ONECUT1: variants seen among roughly 807,000 people sequenced by gnomAD.
ONECUT1 encodes one cut homeobox 1.
In ONECUT1, 12 loss-of-function variants were observed where a neutral mutation model predicts 25.6. That is an observed-to-expected ratio of 0.47 (90% CI 0.30 to 0.76). ONECUT1 has a LOEUF of 0.76. ONECUT1 is among the 30% of genes least tolerant of loss of function. ONECUT1 has a pLI of 0.07. For synonymous variants in ONECUT1, 285 were observed against 270.2 expected (o/e 1.05, Z -0.54); for missense variants, 620 against 651.2 (o/e 0.95, Z 0.52).
At chr15:52,763,729 A>T (rs895141305) in intron 1 of ONECUT1, among the ~76,000 whole-genome samples, 6 of 152,244 alleles carry the variant, frequency 3.9e-5, no homozygotes, top group African/African-American at 9.6e-5. Flanking sequence ...GGTGATCCTT[A>T]GAACAGTTTC....
rs201056913 is a variant in ONECUT1, at chr15:52,789,701, C to T, written c.184G>A (p.Gly62Ser). The T allele has an allele frequency of 6.7e-7, 1 of 1,486,664 alleles. No homozygotes were observed. Among genetic ancestry groups the T allele is most frequent in the Non-Finnish European group, 8.9e-7 (1 of 1,125,632 alleles). The allele number at this position is 1,486,664 out of a possible 1,614,324, so 92.1% of individuals were successfully genotyped here. Reference protein sequence around the residue: ...SMGMASLLDGGSGGGDYHHHH... With the variant: ...SMGMASLLDGSSGGGDYHHHH... ...TGGTGGTAATCTCCGCCGCCGCTGC[C>T]GCCGTCCAGCAGGGACGCCATGCCC... Residue 62 changes from glycine (G) to serine (S), a missense_variant, in exon 1 of 2, where the codon GGC becomes AGC. Around this residue, in one of 4 missense-constraint regions of ONECUT1, gnomAD observed 440 missense variants for 404.9 expected, o/e 1.09. Coordinates refer to ENST00000305901, the MANE Select transcript of ONECUT1 (RefSeq NM_004498.4). This position sits in a 1 kb window ranked among gnomAD's most constrained non-coding sequence, Gnocchi z 4.1.
At chr15:52,780,752 A>C (rs2083835894) in intron 1 of ONECUT1, 1 of 1,461,700 alleles carries the variant, frequency 6.8e-7, no homozygotes, top group Non-Finnish European at 9.0e-7. Flanking sequence ...TCTGTTTTAG[A>C]AGACAACAGG....
At chr15:52,780,656 G>A (rs1179685640) in intron 1 of ONECUT1, 1 of 1,534,248 alleles carries the variant, frequency 6.5e-7, no homozygotes, top group Admixed American at 2.0e-5. Context: ...CTCCTCTCAC[G>A]CACTTCAGTC....
intron 1 of ONECUT1, among the ~76,000 whole-genome samples, chr15:52,764,524 GC>G (rs2083723213): frequency 6.6e-6 from 1 of 152,230 alleles, no homozygotes; most frequent in Admixed American, 6.5e-5. Context: ...CTGGGCTTGA[GC>G]TGTGTGCTGG....
chr15:52,784,547 G>T lies in ONECUT1; in HGVS notation c.1105+4233C>A, dbSNP rs2083861581. On this transcript the variant is annotated intron_variant, in intron 1 of 1. Transcript: ENST00000305901. The surrounding 1 kb of genome is among the most constrained non-coding windows in gnomAD (Gnocchi z 5.0). ...TGCCCCAGCCATAGCGGTTCCAGTC[G>T]TCGCCACGAGCCCACTTCTTATCCC... Among the ~76,000 whole-genome samples the T allele has an allele frequency of 6.6e-6, 1 of 152,092 alleles. No homozygotes were observed. The highest frequency in any genetic ancestry group is 2.4e-5 in the African/African-American group (1 of 41,416).
intron 1 of ONECUT1, chr15:52,780,549 T>C (rs1354093908): frequency 2.6e-6 from 4 of 1,518,328 alleles, no homozygotes; most frequent in Non-Finnish European, 2.7e-6. Flanking sequence ...GCATCTTAAT[T>C]ACCCCAAATG....
intron 1 of ONECUT1, among the ~76,000 whole-genome samples, chr15:52,778,403 G>A (rs2083818223): frequency 6.6e-6 from 1 of 152,170 alleles, no homozygotes; most frequent in Non-Finnish European, 1.5e-5. Flanking sequence ...GTCTTTGCAT[G>A]TCTCTAAGAG....
In ONECUT1 at chr15:52,788,430, G is replaced by T; in HGVS notation, c.1105+350C>A. ...GCATCCCTCTTCCCAAACCCGGATC[G>T]CTGAACTGAGAGGTGGCGCAGAGTG... is the stretch of plus-strand genomic sequence containing the variant. On this transcript the variant is annotated intron_variant, in intron 1 of 1. Coordinates refer to ENST00000305901, the MANE Select transcript of ONECUT1 (RefSeq NM_004498.4). The surrounding 1 kb of genome is among the most constrained non-coding windows in gnomAD (Gnocchi z 4.3). 1 of 254,410 alleles carries T rather than the reference G, an allele frequency of 3.9e-6. No homozygotes were observed. The highest frequency in any genetic ancestry group is 7.6e-6 in the Non-Finnish European group (1 of 131,648). The allele number at this position is 254,410 out of a possible 1,614,324, so 15.8% of individuals were successfully genotyped here.
At chr15:52,785,279 G>A (rs2083866790) in intron 1 of ONECUT1, among the ~76,000 whole-genome samples, 1 of 152,252 alleles carries the variant, frequency 6.6e-6, no homozygotes, top group Non-Finnish European at 1.5e-5. Context: ...AGGCCGCAAG[G>A]CCACTCAGGG....
At chr15:52,787,902 A>T (rs1476313606) in intron 1 of ONECUT1, 1 of 152,016 alleles carries the variant, frequency 6.6e-6, no homozygotes, top group Non-Finnish European at 1.5e-5. Flanking sequence ...GAACTCAGAA[A>T]CACCTGGGGC....
intron 1 of ONECUT1, among the ~76,000 whole-genome samples, chr15:52,776,287 C>T (rs1004549388): frequency 3.9e-5 from 6 of 152,202 alleles, no homozygotes; most frequent in Non-Finnish European, 7.3e-5. Context: ...TTTATATTGA[C>T]ATCCACATAA....
chr15:52,782,408 A>G (rs1464970081), intron 1 of ONECUT1, among the ~76,000 whole-genome samples: 1 of 152,242 alleles, frequency 6.6e-6, no homozygotes, highest in Non-Finnish European at 1.5e-5. Context: ...GTATTAAAAT[A>G]AGAACCTATA....
At chr15:52,779,530 C>A (rs1305652329) in intron 1 of ONECUT1, among the ~76,000 whole-genome samples, 1 of 152,228 alleles carries the variant, frequency 6.6e-6, no homozygotes, top group Non-Finnish European at 1.5e-5. Context: ...AAATTTAACT[C>A]TCCTAAGAGA....
At chr15:52,770,084 C>A (rs146678832) in intron 1 of ONECUT1, among the ~76,000 whole-genome samples, 1 of 152,252 alleles carries the variant, frequency 6.6e-6, no homozygotes, top group Non-Finnish European at 1.5e-5. Context: ...TTGAGTAGGA[C>A]CTCTGGCTAT....
Position 52,790,014 on chromosome 15 carries a change from TC to T in ONECUT1, c.-131del. The T allele has an allele frequency of 1.5e-6, 2 of 1,330,848 alleles. No homozygotes were observed. The highest frequency in any genetic ancestry group is 1.9e-6 in the Non-Finnish European group (2 of 1,034,112). The allele number at this position is 1,330,848 out of a possible 1,614,324, so 82.4% of individuals were successfully genotyped here. On this transcript the variant is annotated 5_prime_UTR_variant, in exon 1 of 2. Transcript: ENST00000305901. Reference sequence around the variant, plus strand: ...GCCTTCCTTCCTCTCACTGTGGGGCTCTGTCTCTCTCTCTCTCTCTCTCCGT... The same window carrying T: ...GCCTTCCTTCCTCTCACTGTGGGGCTTGTCTCTCTCTCTCTCTCTCTCCGT...
Position 52,788,530 on chromosome 15 carries a change from C to T in ONECUT1, c.1105+250G>A, listed in dbSNP as rs2083892069. ...CTCGCTGTCCCTGAGCGCAAATGAG[C>T]CTCTTCAGTCGCCGAGGCCCGGCCG... On this transcript the variant is annotated intron_variant, in intron 1 of 1. Coordinates refer to ENST00000305901, the MANE Select transcript of ONECUT1 (RefSeq NM_004498.4). This position sits in a 1 kb window ranked among gnomAD's most constrained non-coding sequence, Gnocchi z 4.3. 2.1e-6 allele frequency: 1 copy of T among 487,208 alleles called. No individual in the cohort carries two copies. Among genetic ancestry groups the T allele is most frequent in the Non-Finnish European group, 3.7e-6 (1 of 273,792 alleles). 30.2% of individuals were successfully genotyped at this position (487,208 alleles called of 1,614,324 possible).
At chr15:52,764,605 G>A (rs1338506047) in intron 1 of ONECUT1, among the ~76,000 whole-genome samples, 1 of 152,146 alleles carries the variant, frequency 6.6e-6, no homozygotes, top group Non-Finnish European at 1.5e-5. Flanking sequence ...TTTCTCCCTC[G>A]AAATAGCTGC....
chr15:52,771,436 A>AGTGTGTGTGTGTGT (rs60500029), intron 1 of ONECUT1, among the ~76,000 whole-genome samples: 2 of 144,868 alleles, frequency 1.4e-5, no homozygotes, highest in East Asian at 4.0e-4. Flanking sequence ...ATAAAAAGCA[A>AGTGTGTGTGTGTGT]GTGTGTGTGT....
intron 1 of ONECUT1, among the ~76,000 whole-genome samples, chr15:52,774,163 A>C (rs1027088374): frequency 6.6e-6 from 1 of 150,862 alleles, no homozygotes; most frequent in Non-Finnish European, 1.5e-5. Context: ...ACACACACAC[A>C]CAGAGGGTTA....
Sources: allele counts gnomAD v4.1 joint callset (sites outside exome capture counted in the v4.1 genomes callset), GRCh38; gene constraint gnomAD v4.1.1; regional missense constraint gnomAD v4.1.1; non-coding constraint Gnocchi (gnomAD v3.1); transcripts MANE v1.5; gene names NCBI Gene and HGNC (gene_info 2026-07-23, HGNC 2026-07-21).